The following AGK variants were observed in gnomAD, a reference collection of about 807,000 sequenced individuals.
The protein encoded by AGK is acylglycerol kinase, mitochondrial.
Under a neutral mutation model 66.4 loss-of-function variants are expected in AGK, and 52 were observed. The observed-to-expected ratio is 0.78, with a 90% CI of 0.63 to 0.99. The LOEUF is 0.99. Ranked by LOEUF, AGK falls within the 50% of genes least tolerant of loss-of-function variation. The pLI is 0.00. For missense variants in AGK, 451 were observed against 506.6 expected, an observed-to-expected ratio of 0.89 and a Z score of 1.05; for synonymous variants, 182 against 181.1, an observed-to-expected ratio of 1.00 and a Z score of -0.04.
chr7:141,617,507 G>T (rs189443919), intron 8 of AGK, among the ~76,000 whole-genome samples: 1 of 152,322 alleles, frequency 6.6e-6, no homozygotes, highest in African/African-American at 2.4e-5. Context: ...TATTTAAAAA[G>T]AACAAGGCTT....
intron 11 of AGK, among the ~76,000 whole-genome samples, chr7:141,639,682 G>T (rs1797247329): frequency 6.6e-6 from 1 of 152,164 alleles, no homozygotes; most frequent in Non-Finnish European, 1.5e-5. Flanking sequence ...GTGGTATGGG[G>T]TATCCTGAAG....
intron 2 of AGK, among the ~76,000 whole-genome samples, chr7:141,557,069 A>C (rs1795224546): frequency 6.6e-6 from 1 of 152,256 alleles, no homozygotes; most frequent in Non-Finnish European, 1.5e-5. Flanking sequence ...CAGATGTCTT[A>C]AATGACTGCT....
At chr7:141,569,694 C>A (rs1472427486) in intron 2 of AGK, among the ~76,000 whole-genome samples, 3 of 152,014 alleles carry the variant, frequency 2.0e-5, no homozygotes, top group African/African-American at 7.3e-5. Context: ...ATTAATAGCC[C>A]TATATAGATG....
At chr7:141,564,548 A>G (rs578181981) in intron 2 of AGK, among the ~76,000 whole-genome samples, 22 of 152,278 alleles carry the variant, frequency 1.4e-4, no homozygotes, top group South Asian at 6.2e-4. Context: ...CCCTCCCATG[A>G]CACATGGGGA....
At chr7:141,641,979 A>G in intron 13 of AGK, 71 bp downstream of exon 13, 1 of 1,254,918 alleles carries the variant, frequency 8.0e-7, no homozygotes, top group Non-Finnish European at 1.1e-6. Context: ...GTCCTCTCCC[A>G]CTAATTCAGT....
intron 2 of AGK, among the ~76,000 whole-genome samples, chr7:141,588,446 A>G (rs897186500): frequency 2.6e-5 from 4 of 152,096 alleles, no homozygotes; most frequent in Admixed American, 1.3e-4. Flanking sequence ...CCTGGCCAAC[A>G]TGGTGAAACC....
chr7:141,588,982 A>G (rs1796050954), intron 2 of AGK, among the ~76,000 whole-genome samples: 1 of 152,108 alleles, frequency 6.6e-6, no homozygotes, highest in Non-Finnish European at 1.5e-5. Flanking sequence ...GTCTTCACTG[A>G]AGGTTGTTTT....
intron 6 of AGK, among the ~76,000 whole-genome samples, chr7:141,612,290 G>A (rs1034971198): frequency 3.9e-5 from 6 of 152,214 alleles, no homozygotes; most frequent in Non-Finnish European, 7.3e-5. Flanking sequence ...TGGAGGCAGT[G>A]AAACGTCAGA....
At chr7:141,589,195 C>T (rs184872644) in intron 2 of AGK, among the ~76,000 whole-genome samples, 49 of 152,266 alleles carry the variant, frequency 3.2e-4, no homozygotes. Context: ...CGTCACTTTC[C>T]TTCTCTGAGT....
intron 5 of AGK, among the ~76,000 whole-genome samples, chr7:141,602,007 G>A (rs1249222947): frequency 6.6e-6 from 1 of 151,808 alleles, no homozygotes; most frequent in Non-Finnish European, 1.5e-5. Context: ...TGCCCCCGGG[G>A]GTAGGAGAAA....
intron 14 of AGK, among the ~76,000 whole-genome samples, chr7:141,650,904 A>G (rs181508333): frequency 6.6e-6 from 1 of 152,280 alleles, no homozygotes; most frequent in African/African-American, 2.4e-5. Context: ...GATTACTTAT[A>G]ATACTCAATA....
Position 141,555,555 on chromosome 7 carries a change from A to G in AGK, c.89A>G (p.Tyr30Cys), listed in dbSNP as rs769004968. Residue 30 changes from tyrosine to cysteine, a missense_variant, in exon 2 of 16, where the codon TAT becomes TGT. Coordinates refer to ENST00000649286, the MANE Select transcript of AGK (RefSeq NM_018238.4). The surrounding 1 kb of genome is among the most constrained non-coding windows in gnomAD (Gnocchi z 4.2). ...CLLTWGGHWL[Y>C]GKHCDNLLRR... ...CTGACCTGGGGAGGCCATTGGCTCT[A>G]TGGAAAACACTGGTAACTATCTGAC... The G allele has an allele frequency of 3.2e-5, 52 of 1,613,368 alleles. 1 individual carries two copies. In the South Asian group the frequency reaches 5.4e-4, roughly 17 times the overall value.
chr7:141,636,781 A>C (rs1797180228), intron 10 of AGK, among the ~76,000 whole-genome samples, 179 bp from the exon 11 acceptor site: 1 of 152,214 alleles, frequency 6.6e-6, no homozygotes, highest in Non-Finnish European at 1.5e-5. Context: ...CAAGGCATCA[A>C]AACGTGGATT....
chr7:141,636,824 C>A, intron 10 of AGK, 136 bp from the exon 11 acceptor site: 1 of 622,928 alleles, frequency 1.6e-6, no homozygotes, highest in Non-Finnish European at 2.8e-6. Flanking sequence ...TTATACTAAG[C>A]CATAACCTCC....
rs1797643482 is a variant in AGK, at chr7:141,654,514, G to A, written c.*1590G>A. On this transcript the variant is annotated 3_prime_UTR_variant, in exon 16 of 16. Coordinates refer to ENST00000649286, the MANE Select transcript of AGK (RefSeq NM_018238.4). ...TATCAACTAACAAACAACTTGATTA[G>A]ATTCTCCTTTAGTCTGTTGAAAGCA... 6.6e-6 allele frequency: 1 copy of A among 151,690 alleles called. No individual in the cohort carries two copies. Among genetic ancestry groups the A allele is most frequent in the Non-Finnish European group, 1.5e-5 (1 of 68,016 alleles). The allele number at this position is 151,690 out of a possible 1,614,324, so 9.4% of individuals were successfully genotyped here.
rs960153304 is a variant in AGK at position 141,611,295 on chromosome 7, T to C, written c.390+8T>C. 2 of 1,597,504 alleles carry C rather than the reference T, an allele frequency of 1.3e-6. No homozygotes were observed. Among genetic ancestry groups the C allele is most frequent in the Non-Finnish European group, 1.7e-6 (2 of 1,168,536 alleles). ...GATGGGACACTGCAGGAGGTATGAC[T>C]GTTTTTCTCTTTGAAGCTATTTTGA... On this transcript the variant is annotated splice_region_variant and intron_variant, in intron 6 of 15. Coordinates refer to ENST00000649286, the MANE Select transcript of AGK (RefSeq NM_018238.4).
intron 2 of AGK, among the ~76,000 whole-genome samples, chr7:141,578,938 A>G (rs1795816895): frequency 1.3e-5 from 2 of 151,966 alleles, no homozygotes; most frequent in African/African-American, 4.8e-5. Context: ...TAGCACCAGG[A>G]GATATCAGCT....
intron 2 of AGK, among the ~76,000 whole-genome samples, chr7:141,566,848 A>G (rs1319457372): frequency 6.6e-6 from 1 of 152,080 alleles, no homozygotes; most frequent in Admixed American, 6.5e-5. Context: ...TTGCTCATAC[A>G]TCTTCACTCA....
chr7:141,614,583 G>C (rs887552609), intron 7 of AGK, among the ~76,000 whole-genome samples: 1 of 143,664 alleles, frequency 7.0e-6, no homozygotes, highest in African/African-American at 2.6e-5. Flanking sequence ...GGTTGCCCAG[G>C]TATGTTATGC....
Sources: allele counts gnomAD v4.1 joint callset (sites outside exome capture counted in the v4.1 genomes callset), GRCh38; gene constraint gnomAD v4.1.1; non-coding constraint Gnocchi (gnomAD v3.1); transcripts MANE v1.5; gene names NCBI Gene and HGNC (gene_info 2026-07-23, HGNC 2026-07-21).